The following DMD variants were observed in gnomAD, a reference collection of about 807,000 sequenced individuals.
DMD encodes mutant dystrophin.
A neutral mutation model predicts 330.1 loss-of-function variants in DMD; 63 were observed. The observed-to-expected ratio is 0.19, with a 90% CI of 0.16 to 0.24. The LOEUF (loss-of-function observed/expected upper bound fraction) is 0.24. DMD is among the 10% of genes least tolerant of loss of function. DMD has a pLI of 1.00. For missense variants in DMD, 3,344 were observed against 2,684.1 expected, an observed-to-expected ratio of 1.25 and a Z score of -5.43; for synonymous variants, 1,223 against 959.8, an observed-to-expected ratio of 1.27 and a Z score of -5.07.
intron 60 of DMD, among the ~76,000 whole-genome samples, chrX:31,440,345 C>T (rs1289951470): frequency 1.8e-5 from 2 of 110,681 alleles, no homozygotes; most frequent in Non-Finnish European, 3.8e-5. Flanking sequence ...TGGGGTTTCA[C>T]TATGTGTTGG....
At chrX:32,657,381 A>G (rs2060648836) in intron 9 of DMD, among the ~76,000 whole-genome samples, 1 of 112,311 alleles carries the variant, frequency 8.9e-6, no homozygotes, top group African/African-American at 3.2e-5. Flanking sequence ...ATCAATAAAA[A>G]AACTTTCTCA....
intron 59 of DMD, among the ~76,000 whole-genome samples, chrX:31,447,219 A>G (rs1171871247): frequency 9.3e-6 from 1 of 107,675 alleles, no homozygotes; most frequent in Non-Finnish European, 1.9e-5. Context: ...TTCTTTTTAA[A>G]ATTTACTTTT....
intron 59 of DMD, among the ~76,000 whole-genome samples, chrX:31,446,038 C>T (rs1336953840): frequency 9.0e-6 from 1 of 111,716 alleles, no homozygotes; most frequent in East Asian, 2.8e-4. Context: ...GTTGATAAAA[C>T]CATTGGTTAC....
rs150561772 is a variant in DMD at position 31,499,585 on chromosome X, G to A, written c.8391-2641C>T. Among the ~76,000 whole-genome samples, 598 of 103,327 alleles carry A rather than the reference G, an allele frequency of 5.8e-3. 4 individuals are homozygous for A. The highest frequency in any genetic ancestry group is 0.02 in the African/African-American group (564 of 27,544). 89.7% of individuals were successfully genotyped at this position (103,327 alleles called of 115,157 possible). A position where few individuals can be genotyped will look rare whatever the true frequency, so the allele number is the denominator to read the frequency against. On this transcript the variant is annotated intron_variant, in intron 56 of 78. Coordinates refer to ENST00000357033, the MANE Select transcript of DMD (RefSeq NM_004006.3). Reference sequence around the variant, plus strand: ...TTGGCTCACTGCACCTCCACCTCCCGGGTTCAAGCAATTCTCCTGCATCAG... The same window carrying A: ...TTGGCTCACTGCACCTCCACCTCCCAGGTTCAAGCAATTCTCCTGCATCAG...
At chrX:32,264,678 G>C (rs1003879429) in intron 43 of DMD, among the ~76,000 whole-genome samples, 1 of 111,898 alleles carries the variant, frequency 8.9e-6, no homozygotes, top group African/African-American at 3.3e-5. Flanking sequence ...GTCTCAGAGG[G>C]AGATGAGAAA....
rs140957198 is a variant in DMD at position 32,330,413 on chromosome X, T to C, written c.5922+11687A>G. 6.1e-3 allele frequency among the ~76,000 whole-genome samples: 683 copies of C among 111,962 alleles called. 5 individuals carry two copies. The highest frequency in any genetic ancestry group is 8.4e-3 in the Admixed American group (88 of 10,483). On this transcript the variant is annotated intron_variant, in intron 41 of 78. Transcript: ENST00000357033. The stretch of plus-strand genomic sequence containing the variant: ...TCCATACAATGAGAGTCTTAAGTAA[T>C]CATTGAAGAATCAGAATGATTCACA...
intron 9 of DMD, among the ~76,000 whole-genome samples, chrX:32,692,034 G>A (rs58629116): frequency 0.14 from 15,603 of 110,844 alleles, 2,612 homozygotes; most frequent in African/African-American, 0.47. Context: ...GCTAATTAAC[G>A]AAGGTTCAGC....
intron 29 of DMD, among the ~76,000 whole-genome samples, chrX:32,431,889 T>A (rs1415255620): frequency 1.8e-5 from 2 of 111,254 alleles, no homozygotes. Context: ...TGTATGTCTA[T>A]GTGTTTATGA....
chrX:31,846,525 T>C (rs2093429950), intron 48 of DMD, among the ~76,000 whole-genome samples: 1 of 110,509 alleles, frequency 9.0e-6, no homozygotes, highest in African/African-American at 3.3e-5. Flanking sequence ...ATTATGAGAG[T>C]ATTAATTCAT....
intron 44 of DMD, among the ~76,000 whole-genome samples, chrX:32,188,357 T>G (rs1855718800): frequency 9.3e-6 from 1 of 107,007 alleles, no homozygotes. Context: ...GCTTCCTGAC[T>G]TACCAAAAAT....
intron 74 of DMD, among the ~76,000 whole-genome samples, chrX:31,152,978 T>C (rs180739025): frequency 8.9e-5 from 10 of 112,654 alleles, no homozygotes; most frequent in African/African-American, 1.3e-4. Context: ...TTTCTATTAT[T>C]CTCATGTGTG....
intron 62 of DMD, among the ~76,000 whole-genome samples, chrX:31,282,027 T>C (rs960779294): frequency 9.9e-5 from 11 of 111,649 alleles, no homozygotes; most frequent in African/African-American, 3.6e-4. Flanking sequence ...GTTAAGAAGG[T>C]TAGAGGAAAT....
chrX:32,119,716 C>T (rs548241930), intron 44 of DMD, among the ~76,000 whole-genome samples: 5 of 112,276 alleles, frequency 4.5e-5, no homozygotes, highest in African/African-American at 1.6e-4. Flanking sequence ...CCAAGCACTG[C>T]AAACATATAG....
chrX:31,431,985 T>C (rs1332987237), intron 60 of DMD, among the ~76,000 whole-genome samples: 2 of 109,657 alleles, frequency 1.8e-5, no homozygotes, highest in Non-Finnish European at 3.8e-5. Context: ...TGGCTAATTT[T>C]TGTATTTTTG....
chrX:31,967,864 T>A (rs2095365702), intron 45 of DMD, among the ~76,000 whole-genome samples: 1 of 111,879 alleles, frequency 8.9e-6, no homozygotes, highest in Non-Finnish European at 1.9e-5. Context: ...TTGGCTCAAG[T>A]TCCCCTTCAA....
chrX:32,626,664 A>T (rs181378501), intron 11 of DMD, among the ~76,000 whole-genome samples: 1 of 104,278 alleles, frequency 9.6e-6, no homozygotes, highest in South Asian at 3.9e-4. Context: ...CTATTAAGAA[A>T]GGTATTGGGG....
chrX:32,781,242 C>A (rs2074726712), intron 7 of DMD, among the ~76,000 whole-genome samples: 1 of 111,314 alleles, frequency 9.0e-6, no homozygotes, highest in Non-Finnish European at 1.9e-5. Context: ...CTACAACTAC[C>A]TACAGCATTG....
intron 3 of DMD, among the ~76,000 whole-genome samples, chrX:32,848,408 A>C (rs1318035506): frequency 8.9e-6 from 1 of 111,955 alleles, no homozygotes; most frequent in Non-Finnish European, 1.9e-5. Flanking sequence ...AGTGAAATTA[A>C]GACCAAGTTT....
chrX:32,335,903 T>C (rs1350560621), intron 41 of DMD, among the ~76,000 whole-genome samples: 2 of 106,361 alleles, frequency 1.9e-5, no homozygotes, highest in East Asian at 3.1e-4. Context: ...ATGTTATACA[T>C]ATAACGTGTA....
Sources: allele counts gnomAD v4.1 joint callset (sites outside exome capture counted in the v4.1 genomes callset), GRCh38; gene constraint gnomAD v4.1.1; transcripts MANE v1.5; gene names NCBI Gene and HGNC (gene_info 2026-07-23, HGNC 2026-07-21).